The following ZNF565 variants were observed in gnomAD, a reference collection of about 807,000 sequenced individuals.
ZNF565 encodes the protein zinc finger protein 565.
A neutral mutation model predicts 39.4 loss-of-function variants in ZNF565; 27 were observed. That is an observed-to-expected ratio of 0.69 (90% CI 0.51 to 0.95). The LOEUF (loss-of-function observed/expected upper bound fraction) is 0.95, where lower values mean the gene tolerates loss of function less well. ZNF565 is among the 40% of genes least tolerant of loss of function. The probability of loss-of-function intolerance (pLI) is 0.00; values close to 1 mark genes in which losing one functional copy is unlikely to be tolerated. For missense variants in ZNF565, 524 were observed against 621.1 expected (o/e 0.84, Z 1.66); for synonymous variants, 185 against 216.6 (o/e 0.85, Z 1.28).
rs368635383 is a variant in ZNF565 at position 36,236,230 on chromosome 19, A to C, written c.55+9246T>G. 19 of 537,118 alleles carry C rather than the reference A, an allele frequency of 3.5e-5. 1 individual carries two copies. Among genetic ancestry groups the C allele is most frequent in the African/African-American group, 2.2e-4 (11 of 51,142 alleles). The allele number at this position is 537,118 out of a possible 1,614,324, so 33.3% of individuals were successfully genotyped here. A position where few individuals can be genotyped will look rare whatever the true frequency, so the allele number is the denominator to read the frequency against. On this transcript the variant is annotated intron_variant, in intron 1 of 4. Coordinates refer to the ZNF565 transcript ENST00000355114. The stretch of plus-strand genomic sequence containing the variant: ...AGCAATACTTCATTGAATATTAGAA[A>C]ATTTTTCTAGAGAGAAAGCATTGAA...
intron 1 of ZNF565, among the ~76,000 whole-genome samples, chr19:36,244,281 C>G (rs189074557): frequency 2.6e-4 from 39 of 152,330 alleles, no homozygotes; most frequent in Non-Finnish European, 4.7e-4. Context: ...GACAGAAGGC[C>G]GGATGCGGTG....
chr19:36,208,037 T>C (rs771644292), intron 1 of ZNF565, among the ~76,000 whole-genome samples: 71 of 152,084 alleles, frequency 4.7e-4, no homozygotes, highest in Non-Finnish European at 8.1e-4. Flanking sequence ...TTTGACTAGA[T>C]AAAAATTCAG....
chr19:36,183,639 G>C lies in ZNF565; in HGVS notation c.327C>G (p.Asp109Glu). 1 of 1,614,084 alleles carries C rather than the reference G, an allele frequency of 6.2e-7. No individual in the cohort carries two copies. The highest frequency in any genetic ancestry group is 8.5e-7 in the Non-Finnish European group (1 of 1,180,024). ...WEIMESLKCS[D>E]LEGSDFRADW... ...CAGCTCTAAAATCGGAGCCCTCCAG[G>C]TCACTGCATTTAAGGCTTTCCATTA... Residue 109 changes from aspartate (D) to glutamate (E), a missense_variant, in exon 5 of 5, where the codon GAC becomes GAG. By Grantham distance (45) the Asp-to-Glu change is conservative. Transcript: ENST00000304116.
rs147679837 is a variant in ZNF565 at position 36,226,595 on chromosome 19, G to A, written c.55+18881C>T. Among the ~76,000 whole-genome samples the A allele has an allele frequency of 1.7e-3, 257 of 151,920 alleles. 1 individual carries two copies. The highest frequency in any genetic ancestry group is 5.9e-3 in the African/African-American group (246 of 41,420). ...ATGATTTTTTTTTCCTGAACGATTT[G>A]AAACCAGTTGTGGACATGCTTCCTT... is the stretch of plus-strand genomic sequence containing the variant. On this transcript the variant is annotated intron_variant, in intron 1 of 4. Coordinates refer to the ZNF565 transcript ENST00000355114.
At chr19:36,190,590 TA>T (rs74410395) in intron 4 of ZNF565, among the ~76,000 whole-genome samples, 22,898 of 132,338 alleles carry the variant, frequency 0.17, 1,822 homozygotes, top group Middle Eastern at 0.22. Context: ...AAAAAAAAAT[TA>T]AAAAAAAAAA....
In ZNF565 at chr19:36,220,357, TTTTAATTTAATTTTATTTTA is replaced by T. The variant is rs1204902211; in HGVS notation, c.56-18327_56-18308del. Among the ~76,000 whole-genome samples, 26 of 125,694 alleles carry T rather than the reference TTTTAATTTAATTTTATTTTA, an allele frequency of 2.1e-4. 2 individuals carry two copies. Among genetic ancestry groups the T allele is most frequent in the South Asian group, 1.5e-3 (6 of 3,942 alleles). The allele number at this position is 125,694 out of a possible 152,430, so 82.5% of individuals were successfully genotyped here. ...TAATTTCTTAGCTCCTAGTTCTTTT[TTTTAATTTAATTTTATTTTA>T]TTTTTGAGACGGAGTCTTGCTCTGT... On this transcript the variant is annotated intron_variant, in intron 1 of 4. Transcript: ENST00000355114.
At chr19:36,196,220 G>A (rs1975756877) in intron 2 of ZNF565, among the ~76,000 whole-genome samples, 1 of 152,152 alleles carries the variant, frequency 6.6e-6, no homozygotes, top group Admixed American at 6.6e-5. Context: ...GTGAGTCACT[G>A]CACCCAGCCT....
At chr19:36,234,774 G>A (rs1020989265) in intron 1 of ZNF565, among the ~76,000 whole-genome samples, 5 of 152,126 alleles carry the variant, frequency 3.3e-5, no homozygotes, top group African/African-American at 9.7e-5. Context: ...TCTGATTTCC[G>A]TATAGCAGCT....
chr19:36,198,138 A>G (rs1975831735), intron 2 of ZNF565, among the ~76,000 whole-genome samples: 1 of 152,142 alleles, frequency 6.6e-6, no homozygotes, highest in South Asian at 2.1e-4. Flanking sequence ...TAAAAAAAAA[A>G]AAGAAAGAAA....
chr19:36,185,717 T>TG (rs1004369540), intron 4 of ZNF565, among the ~76,000 whole-genome samples: 8 of 38,718 alleles, frequency 2.1e-4, no homozygotes, highest in African/African-American at 6.1e-4. Context: ...TCACTCTCTA[T>TG]TTTTTTTTTT....
At chr19:36,238,566 TA>T (rs1281614730) in intron 1 of ZNF565, 1 of 167,080 alleles carries the variant, frequency 6.0e-6, no homozygotes, top group Non-Finnish European at 1.5e-5. Context: ...TCTGTATTTT[TA>T]AAATTTCTCA....
upstream of ZNF565, among the ~76,000 whole-genome samples, chr19:36,219,265 TCCCACCTCAGCCCCACC>T (rs1350798150): frequency 6.6e-6 from 1 of 152,064 alleles, no homozygotes; most frequent in Non-Finnish European, 1.5e-5. Context: ...GAAGAGATCC[TCCCACCTCAGCCCCACC>T]CCCGCAGTGG....
At chr19:36,218,308 TAAG>T (rs1976698521), upstream of ZNF565, 1 of 152,034 alleles carries the variant, frequency 6.6e-6, no homozygotes, top group Non-Finnish European at 1.5e-5. Context: ...TGTAAAGTTC[TAAG>T]AATAGTCCCC....
intron 4 of ZNF565, among the ~76,000 whole-genome samples, chr19:36,185,627 C>G (rs1000097220): frequency 6.6e-6 from 1 of 151,868 alleles, no homozygotes; most frequent in African/African-American, 2.4e-5. Context: ...TCAGATCTCT[C>G]ATCAGGTTCT....
At chr19:36,200,505 T>C (rs1422692878) in intron 2 of ZNF565, among the ~76,000 whole-genome samples, 1 of 151,824 alleles carries the variant, frequency 6.6e-6, no homozygotes. Flanking sequence ...TTTTTTTTTT[T>C]TGAGATGGAG....
intron 1 of ZNF565, among the ~76,000 whole-genome samples, chr19:36,241,727 G>A (rs991953506): frequency 2.7e-5 from 4 of 149,124 alleles, no homozygotes; most frequent in African/African-American, 7.5e-5. Context: ...AGGAGGTGGA[G>A]GTTGCAGTGA....
intron 1 of ZNF565, among the ~76,000 whole-genome samples, chr19:36,221,927 CTT>C (rs60347994): frequency 0.19 from 20,758 of 109,030 alleles, 793 homozygotes; most frequent in Middle Eastern, 0.22. Flanking sequence ...TTTTTTCTTT[CTT>C]TTTTTTTTTT....
At chr19:36,243,130 T>C (rs1977827118) in intron 1 of ZNF565, among the ~76,000 whole-genome samples, 1 of 152,076 alleles carries the variant, frequency 6.6e-6, no homozygotes. Flanking sequence ...GCCTCCCGGG[T>C]TGAAGTGACT....
At position 36,193,176 on chromosome 19, in the gene ZNF565, T is replaced by C. The variant is rs529906510; in HGVS notation, c.232+1057A>G. ...GCACCCAGCTAATTTTTTGTATTTT[T>C]AGTAGAGACAGGGTTTCACCATGGT... On this transcript the variant is annotated intron_variant, in intron 4 of 4. Transcript: ENST00000304116. Among the ~76,000 whole-genome samples, 20 of 151,996 alleles carry C rather than the reference T, an allele frequency of 1.3e-4. No individual in the cohort carries two copies. The East Asian group carries it at 3.5e-3, about 27-fold the overall frequency.
Sources: allele counts gnomAD v4.1 joint callset (sites outside exome capture counted in the v4.1 genomes callset), GRCh38; gene constraint gnomAD v4.1.1; transcripts MANE v1.5; gene names NCBI Gene and HGNC (gene_info 2026-07-23, HGNC 2026-07-21).